TCF4: variants seen among roughly 807,000 people sequenced by gnomAD.
TCF4 encodes SL3-3 enhancer factor 2.
Under a neutral mutation model 82.1 loss-of-function variants are expected in TCF4, and 3 were observed. The observed-to-expected ratio is 0.04, with a 90% confidence interval of 0.02 to 0.09. TCF4 has a LOEUF of 0.09. Ranked by LOEUF, TCF4 falls within the 10% of genes least tolerant of loss-of-function variation. The probability of loss-of-function intolerance (pLI) is 1.00; values close to 1 mark genes in which losing one functional copy is unlikely to be tolerated. For synonymous variants in TCF4, 276 were observed against 309.6 expected (o/e 0.89, Z 1.14); for missense variants, 518 against 852.7 (o/e 0.61, Z 4.89).
chr18:55,362,339 G>GAGGAAGGACGGAAGGAAGGA lies in TCF4; in HGVS notation c.370-11337_370-11336insTCCTTCCTTCCGTCCTTCCT, dbSNP rs1555942407. ...TCCAAAAACAAAAACAAAAAAAAAA[G>GAGGAAGGACGGAAGGAAGGA]AGGAAGGAAGGAAGGAAGGAAGGAA... is the stretch of plus-strand genomic sequence containing the variant. On this transcript the variant is annotated intron_variant, in intron 6 of 19. Transcript: ENST00000354452. Among the ~76,000 whole-genome samples, 4 of 68,578 alleles carry GAGGAAGGACGGAAGGAAGGA rather than the reference G, an allele frequency of 5.8e-5. No individual in the cohort carries two copies. In the East Asian group the frequency reaches 2.0e-3, roughly 34 times the overall value. 45.0% of individuals were successfully genotyped at this position (68,578 alleles called of 152,430 possible).
chr18:55,559,154 A>T (rs2097333157), intron 3 of TCF4, among the ~76,000 whole-genome samples: 1 of 150,510 alleles, frequency 6.6e-6, no homozygotes, highest in South Asian at 2.1e-4. Flanking sequence ...CCAAAGCAAA[A>T]AAAAAAAAAA....
At chr18:55,583,748 A>T (rs2097602310) in intron 3 of TCF4, among the ~76,000 whole-genome samples, 1 of 148,756 alleles carries the variant, frequency 6.7e-6, no homozygotes, top group Admixed American at 7.1e-5. Context: ...AGTCATAAAA[A>T]AATTACTGTC....
intron 8 of TCF4, among the ~76,000 whole-genome samples, chr18:55,300,947 C>A (rs1364886179): frequency 6.6e-6 from 1 of 152,070 alleles, no homozygotes; most frequent in African/African-American, 2.4e-5. Flanking sequence ...ACAAGGTCAT[C>A]GATCATGGGG....
chr18:55,545,508 G>A (rs1012543863), intron 3 of TCF4, among the ~76,000 whole-genome samples: 6 of 152,118 alleles, frequency 3.9e-5, no homozygotes, highest in Admixed American at 6.5e-5. Flanking sequence ...GAGTGCAGTG[G>A]CGGGATCTCA....
intron 8 of TCF4, among the ~76,000 whole-genome samples, chr18:55,307,360 C>T (rs921605835): frequency 7.2e-5 from 11 of 152,170 alleles, no homozygotes; most frequent in African/African-American, 2.7e-4. Flanking sequence ...CAATGGTACG[C>T]TGGCTTCTAT....
intron 2 of TCF4, among the ~76,000 whole-genome samples, chr18:55,608,369 A>ATTTTTTTTTTTTTTTTTTTTTTTTTTTT: frequency 8.5e-6 from 1 of 117,272 alleles, no homozygotes; most frequent in South Asian, 2.8e-4. Flanking sequence ...TTGCCACAGT[A>ATTTTTTTTTTTTTTTTTTTTTTTTTTTT]TTTTTTTTTT....
chr18:55,320,435 A>C (rs1407763413), intron 8 of TCF4, among the ~76,000 whole-genome samples: 1 of 152,240 alleles, frequency 6.6e-6, no homozygotes, highest in Non-Finnish European at 1.5e-5. Context: ...CCCATTCATA[A>C]AACTGGCTTC....
chr18:55,337,395 A>G (rs1200089719), intron 8 of TCF4, among the ~76,000 whole-genome samples: 2 of 152,176 alleles, frequency 1.3e-5, no homozygotes, highest in African/African-American at 4.8e-5. Flanking sequence ...TGTTCACTAA[A>G]CATACAATTC....
chr18:55,243,973 G>A (rs2052207921), intron 15 of TCF4, among the ~76,000 whole-genome samples: 1 of 152,120 alleles, frequency 6.6e-6, no homozygotes, highest in Admixed American at 6.5e-5. Flanking sequence ...TGAGTTCTGA[G>A]AAAGGAAGTT....
intron 2 of TCF4, among the ~76,000 whole-genome samples, chr18:55,622,080 T>C (rs538122564): frequency 3.1e-4 from 44 of 140,166 alleles, no homozygotes; most frequent in Non-Finnish European, 3.5e-4. Flanking sequence ...ATAATATATA[T>C]ATACACACTA....
intron 8 of TCF4, among the ~76,000 whole-genome samples, chr18:55,325,740 A>G (rs548639502): frequency 2.0e-5 from 3 of 152,290 alleles, no homozygotes; most frequent in Non-Finnish European, 2.9e-5. Flanking sequence ...AGTATAAGAC[A>G]TTGCTTATTT....
At chr18:55,586,153 G>GAGGAGGAGGAGGAGCAGCAGCAGC in intron 2 of TCF4, 1 of 706,112 alleles carries the variant, frequency 1.4e-6, no homozygotes, top group Admixed American at 2.9e-5. Flanking sequence ...GGAGGAGGAG[G>GAGGAGGAGGAGGAGCAGCAGCAGC]AGCAGCAGCA....
chr18:55,326,401 C>CAAAAAA (rs59228811), intron 8 of TCF4, among the ~76,000 whole-genome samples: 3 of 26,386 alleles, frequency 1.1e-4, no homozygotes, highest in Non-Finnish European at 1.5e-4. Context: ...AGAGCAGCAG[C>CAAAAAA]AAAAAAAAAA....
At chr18:55,361,083 G>A (rs1481091135) in intron 6 of TCF4, among the ~76,000 whole-genome samples, 6 of 152,070 alleles carry the variant, frequency 3.9e-5, no homozygotes, top group Admixed American at 1.3e-4. Flanking sequence ...TGATTGCACT[G>A]CTGGGATAGA....
chr18:55,362,510 C>G (rs1182206772), intron 6 of TCF4, among the ~76,000 whole-genome samples: 2 of 152,122 alleles, frequency 1.3e-5, no homozygotes, highest in Admixed American at 1.3e-4. Context: ...GAAACAGGGA[C>G]TGTCTCTTTT....
At chr18:55,521,537 T>C (rs545110306) in intron 3 of TCF4, among the ~76,000 whole-genome samples, 1 of 152,132 alleles carries the variant, frequency 6.6e-6, no homozygotes, top group African/African-American at 2.4e-5. Context: ...CCCAAGAAAA[T>C]CACACCAGAA....
chr18:55,578,577 T>G (rs2097549383), intron 3 of TCF4, among the ~76,000 whole-genome samples: 1 of 152,142 alleles, frequency 6.6e-6, no homozygotes, highest in African/African-American at 2.4e-5. Context: ...GCAGAAAAGT[T>G]GACGGATTTT....
chr18:55,501,073 T>C (rs769870395), intron 3 of TCF4, among the ~76,000 whole-genome samples: 6 of 152,204 alleles, frequency 3.9e-5, no homozygotes, highest in Admixed American at 6.5e-5. Context: ...AATGAGTGAT[T>C]AAAAGAATTC....
At chr18:55,603,184 T>G (rs1381751551) in intron 2 of TCF4, among the ~76,000 whole-genome samples, 2 of 152,162 alleles carry the variant, frequency 1.3e-5, no homozygotes, top group Non-Finnish European at 2.9e-5. Flanking sequence ...TTACATACAG[T>G]ATGTTTAACA....
Sources: gnomAD v4.1 joint callset for allele counts (sites outside exome capture counted in the v4.1 genomes callset) on GRCh38, gnomAD v4.1.1 for gene constraint, MANE v1.5 for transcripts, NCBI Gene and HGNC (gene_info 2026-07-23, HGNC 2026-07-21) for gene names.